Variants in ARL2 observed in about 807,000 individuals in gnomAD.
ARL2 encodes the protein ADP-ribosylation factor-like protein 2.
Under a neutral mutation model 22.0 loss-of-function variants are expected in ARL2, and 11 were observed. The observed-to-expected ratio is 0.50, with a 90% CI of 0.31 to 0.83. ARL2 has a LOEUF of 0.83. Ranked by LOEUF, ARL2 falls within the 40% of genes least tolerant of loss-of-function variation. The pLI is 0.04. For missense variants in ARL2, 216 were observed against 243.2 expected, an observed-to-expected ratio of 0.89 and a Z score of 0.74; for synonymous variants, 111 against 100.8, an observed-to-expected ratio of 1.10 and a Z score of -0.61.
Position 65,018,762 on chromosome 11 carries a change from G to A in ARL2, c.339+29G>A. The A allele has an allele frequency of 6.2e-7, 1 of 1,612,384 alleles. No individual in the cohort carries two copies. The highest frequency in any genetic ancestry group is 1.1e-5 in the South Asian group (1 of 90,988). ...GGCAGCTCCTACCCTTTGTGTACAT[G>A]TATGGACGTGTGGCTGCCTTCTCAG... On this transcript the variant is annotated intron_variant, in intron 3 of 4. Transcript: ENST00000246747. This position sits in a 1 kb window ranked among gnomAD's most constrained non-coding sequence, Gnocchi z 4.2.
chr11:65,017,197 CTT>C (rs368785196), intron 1 of ARL2, among the ~76,000 whole-genome samples: 4 of 142,722 alleles, frequency 2.8e-5, no homozygotes, highest in Admixed American at 7.0e-5. Flanking sequence ...TTTGTTTGCT[CTT>C]TTTTTTTTTT....
At chr11:65,014,708 G>A (rs1406439567) in intron 1 of ARL2, among the ~76,000 whole-genome samples, 1 of 152,232 alleles carries the variant, frequency 6.6e-6, no homozygotes, top group Non-Finnish European at 1.5e-5. Flanking sequence ...TGGGCTCCGC[G>A]GATCCTTTCG....
In ARL2 at chr11:65,018,256, A is replaced by C. The variant is rs1363722628; in HGVS notation, c.66-108A>C. ...GCCGATTATGGTCAGGCATGTGCTC[A>C]ACTCAGTTTGATACATGGTGGGAAA... On this transcript the variant is annotated intron_variant, in intron 1 of 4. Coordinates refer to ENST00000246747, the MANE Select transcript of ARL2 (RefSeq NM_001667.4). This position sits in a 1 kb window ranked among gnomAD's most constrained non-coding sequence, Gnocchi z 4.2. 9 of 835,944 alleles carry C rather than the reference A, an allele frequency of 1.1e-5. No homozygotes were observed. Among genetic ancestry groups the C allele is most frequent in the Admixed American group, 2.6e-5 (1 of 38,008 alleles). The allele number at this position is 835,944 out of a possible 1,614,324, so 51.8% of individuals were successfully genotyped here.
intron 1 of ARL2, among the ~76,000 whole-genome samples, chr11:65,017,395 C>G (rs1946270763): frequency 6.6e-6 from 1 of 152,014 alleles, no homozygotes; most frequent in Non-Finnish European, 1.5e-5. Context: ...GGGGTTTCAC[C>G]TTGTTGGTCA....
chr11:65,017,643 A>G (rs2136905806), intron 1 of ARL2, among the ~76,000 whole-genome samples: 1 of 152,180 alleles, frequency 6.6e-6, no homozygotes, highest in South Asian at 2.1e-4. Flanking sequence ...CCTCAGGGGA[A>G]ATGCCCTCCT....
At chr11:65,019,589 G>A (rs1335876624) in intron 3 of ARL2, 1 of 152,364 alleles carries the variant, frequency 6.6e-6, no homozygotes. Flanking sequence ...GAGGTCAGAG[G>A]TCCCCCATAT....
In ARL2 at chr11:65,018,471, G is replaced by A. The variant is rs199961468; in HGVS notation, c.173G>A (p.Arg58Gln). 1,171 of 1,606,942 alleles carry A rather than the reference G, an allele frequency of 7.3e-4. 21 individuals carry two copies. Among genetic ancestry groups the A allele is most frequent in the South Asian group, 2.1e-4 (19 of 89,514 alleles). ...TTCAACATCAAGACCCTGGAGCACC[G>A]AGGGTGAGCAGGGGCCCCATGGGAG... ...LGFNIKTLEHRGFKLNIWDVG... is the reference protein window; with the variant it reads ...LGFNIKTLEHQGFKLNIWDVG... The change falls in exon 2 of 5, where the codon CGA (arginine) becomes CAA (glutamine). Residue 58 changes from arginine (R) to glutamine (Q), a missense_variant. Physicochemically the swap from Arg to Gln is conservative, Grantham distance 43 (BLOSUM62 1). Transcript: ENST00000246747. The surrounding 1 kb of genome is among the most constrained non-coding windows in gnomAD (Gnocchi z 4.2).
chr11:65,019,008 G>A (rs1946294839), intron 3 of ARL2: 4 of 1,347,836 alleles, frequency 3.0e-6, no homozygotes, highest in African/African-American at 2.9e-5. Flanking sequence ...TGGGCTTTAG[G>A]GAGGATAACC....
chr11:65,019,118 T>G (rs1020205160), intron 3 of ARL2: 9 of 392,996 alleles, frequency 2.3e-5, no homozygotes, highest in Middle Eastern at 8.2e-4. Flanking sequence ...GCACCTATAG[T>G]CCTAGCTACT....
intron 1 of ARL2, among the ~76,000 whole-genome samples, chr11:65,015,378 A>T (rs1247518820): frequency 1.3e-5 from 2 of 152,156 alleles, no homozygotes; most frequent in Non-Finnish European, 2.9e-5. Flanking sequence ...TGGCCTCCCA[A>T]ACTGTTGGGA....
chr11:65,018,354 T>A lies in ARL2; in HGVS notation c.66-10T>A. The A allele has an allele frequency of 6.3e-7, 1 of 1,589,668 alleles. No homozygotes were observed. The highest frequency in any genetic ancestry group is 8.6e-7 in the Non-Finnish European group (1 of 1,168,434). ...GAACAGGGACTTCTCCTTAACCTGC[T>A]GCGCCCCAGTGGCCTGGACAATGCT... On this transcript the variant is annotated splice_polypyrimidine_tract_variant and intron_variant, in intron 1 of 4. Coordinates refer to ENST00000246747, the MANE Select transcript of ARL2 (RefSeq NM_001667.4). The surrounding 1 kb of genome is among the most constrained non-coding windows in gnomAD (Gnocchi z 4.2).
rs1590730703 is a variant in ARL2 at position 65,018,554 on chromosome 11, A to C, written c.177-17A>C. On this transcript the variant is annotated splice_polypyrimidine_tract_variant and intron_variant, in intron 2 of 4. Transcript: ENST00000246747. This position sits in a 1 kb window ranked among gnomAD's most constrained non-coding sequence, Gnocchi z 4.2. ...GAGGGGCCCAGCTGACCCTCCTGTC[A>C]CCCGCTCCTTGCCCAGATTCAAGCT... is the stretch of plus-strand genomic sequence containing the variant. The C allele has an allele frequency of 6.2e-7, 1 of 1,604,350 alleles. No homozygotes were observed. The highest frequency in any genetic ancestry group is 1.1e-5 in the South Asian group (1 of 89,654).
chr11:65,014,607 G>C (rs1232777895), intron 1 of ARL2, among the ~76,000 whole-genome samples: 2 of 152,346 alleles, frequency 1.3e-5, no homozygotes, highest in Non-Finnish European at 2.9e-5. Context: ...TCCCGGCTCT[G>C]ATCTCCTCCC....
Position 65,016,273 on chromosome 11 carries a change from G to T in ARL2, c.65+2001G>T, listed in dbSNP as rs12283682. Among the ~76,000 whole-genome samples the T allele has an allele frequency of 6.2e-4, 90 of 145,196 alleles. 1 individual carries two copies. Among genetic ancestry groups the T allele is most frequent in the South Asian group, 3.7e-3 (15 of 4,080 alleles). ...GGTTGAACCATATAGCAATTCGGGG[G>T]GGGGGGAAACTTTAAAGCAAAGGGA... On this transcript the variant is annotated intron_variant, in intron 1 of 4. Coordinates refer to ENST00000246747, the MANE Select transcript of ARL2 (RefSeq NM_001667.4).
chr11:65,020,343 A>G, intron 3 of ARL2, 76 bp from the exon 4 acceptor site: 1 of 1,256,458 alleles, frequency 8.0e-7, no homozygotes, highest in South Asian at 1.2e-5. Flanking sequence ...TTCACCCCAG[A>G]TGCTCTGGGC....
At chr11:65,016,596 A>G (rs1041229867) in intron 1 of ARL2, among the ~76,000 whole-genome samples, 18 of 151,984 alleles carry the variant, frequency 1.2e-4, no homozygotes, top group African/African-American at 4.3e-4. Context: ...ATTTGCTGAG[A>G]TGGAGAGGAC....
chr11:65,021,059 G>A (rs1027362339), intron 4 of ARL2, among the ~76,000 whole-genome samples: 1 of 152,234 alleles, frequency 6.6e-6, no homozygotes. Flanking sequence ...GCCAGCACAA[G>A]TCAGTGCTTT....
At chr11:65,015,233 C>T (rs1480545341) in intron 1 of ARL2, among the ~76,000 whole-genome samples, 1 of 152,214 alleles carries the variant, frequency 6.6e-6, no homozygotes, top group Non-Finnish European at 1.5e-5. Flanking sequence ...CCTGCCTCAG[C>T]CTCCCAAGTA....
At chr11:65,016,739 G>A (rs1946261504) in intron 1 of ARL2, among the ~76,000 whole-genome samples, 1 of 152,068 alleles carries the variant, frequency 6.6e-6, no homozygotes, top group Non-Finnish European at 1.5e-5. Context: ...CAGTGTGTGG[G>A]AGGTGCACAT....
Sources: allele counts gnomAD v4.1 joint callset (sites outside exome capture counted in the v4.1 genomes callset), GRCh38; gene constraint gnomAD v4.1.1; non-coding constraint Gnocchi (gnomAD v3.1); transcripts MANE v1.5; gene names NCBI Gene and HGNC (gene_info 2026-07-23, HGNC 2026-07-21).